The following GOT2 variants were observed in gnomAD, a reference collection of about 807,000 sequenced individuals.
GOT2 encodes aspartate aminotransferase, mitochondrial.
GOT2 carries 17 observed loss-of-function variants against 50.0 expected under a neutral mutation model. The observed-to-expected ratio is 0.34, with a 90% CI of 0.23 to 0.51. The LOEUF is 0.51. Ranked by LOEUF, GOT2 falls within the 20% of genes least tolerant of loss-of-function variation. The pLI, the probability that GOT2 is intolerant of heterozygous loss-of-function variation, is 0.97. For missense variants in GOT2, 430 were observed against 559.6 expected, an observed-to-expected ratio of 0.77 and a Z score of 2.34; for synonymous variants, 172 against 204.9, an observed-to-expected ratio of 0.84 and a Z score of 1.37.
intron 8 of GOT2, among the ~76,000 whole-genome samples, chr16:58,712,237 C>G (rs140503094): frequency 6.6e-6 from 1 of 152,240 alleles, no homozygotes; most frequent in Admixed American, 6.5e-5. Flanking sequence ...TGTGGCCAGG[C>G]GCGGTGGCTC....
chr16:58,708,369 A>G (rs935654397), intron 9 of GOT2, 76 bp from the exon 10 acceptor site: 1 of 1,384,634 alleles, frequency 7.2e-7, no homozygotes, highest in Admixed American at 1.9e-5. Flanking sequence ...CACAGTAGCC[A>G]ACTTACCAAC....
At chr16:58,723,672 A>C in intron 2 of GOT2, 74 bp downstream of exon 2, 1 of 1,239,602 alleles carries the variant, frequency 8.1e-7, no homozygotes, top group Non-Finnish European at 1.2e-6. Context: ...CCGGTCCAGC[A>C]CTATTCCTGC....
rs2044689048 is a variant in GOT2, at chr16:58,716,029, T to TCTGGGGTGTTCAGAA, written c.989_1003dup (p.Pro334_Asp335insValLeuAsnThrPro). On this transcript the variant is annotated inframe_insertion, in exon 8 of 10. Transcript: ENST00000245206. ...AAACCTTTACCATTGTTTTCGCAAA[T>TCTGGGGTGTTCAGAA]CTGGGGTGTTCAGAATGGCAGCAGC... is the stretch of plus-strand genomic sequence containing the variant. 1.2e-6 allele frequency: 2 copies of TCTGGGGTGTTCAGAA among 1,612,550 alleles called. No homozygotes were observed. The highest frequency in any genetic ancestry group is 1.7e-6 in the Non-Finnish European group (2 of 1,179,652).
At chr16:58,725,518 T>A (rs1000998764) in intron 1 of GOT2, among the ~76,000 whole-genome samples, 9 of 152,240 alleles carry the variant, frequency 5.9e-5, no homozygotes, top group Non-Finnish European at 1.0e-4. Flanking sequence ...AAATAATTTC[T>A]AAGATAGACT....
chr16:58,728,435 T>C (rs1362029466), intron 1 of GOT2, among the ~76,000 whole-genome samples: 6 of 152,230 alleles, frequency 3.9e-5, no homozygotes, highest in Admixed American at 3.9e-4. Flanking sequence ...TGTTCGCTAA[T>C]AGTCATCGTT....
intron 8 of GOT2, 64 bp from the exon 9 acceptor site, chr16:58,709,631 C>T: frequency 2.7e-6 from 4 of 1,456,972 alleles, no homozygotes; most frequent in Non-Finnish European, 3.8e-6. Context: ...CTGGAGTTCA[C>T]TGCATTTTTA....
At chr16:58,725,566 T>C (rs182133806) in intron 1 of GOT2, among the ~76,000 whole-genome samples, 50 of 152,374 alleles carry the variant, frequency 3.3e-4, no homozygotes, top group Non-Finnish European at 6.5e-4. Context: ...TTAAAATTTA[T>C]ATACCTTTGT....
intron 1 of GOT2, among the ~76,000 whole-genome samples, chr16:58,726,083 ATAAC>A (rs1317372607): frequency 6.6e-6 from 1 of 152,272 alleles, no homozygotes; most frequent in Admixed American, 6.5e-5. Flanking sequence ...GCATGCTAAC[ATAAC>A]TAACACAGAA....
At chr16:58,730,911 T>C (rs1317088661) in intron 1 of GOT2, among the ~76,000 whole-genome samples, 2 of 152,162 alleles carry the variant, frequency 1.3e-5, no homozygotes, top group East Asian at 1.9e-4. Context: ...GCCTCAAACA[T>C]TGAGCAATAT....
At chr16:58,708,380 G>C (rs944977463) in intron 9 of GOT2, 87 bp from the exon 10 acceptor site, 12 of 1,285,838 alleles carry the variant, frequency 9.3e-6, no homozygotes, top group Admixed American at 2.1e-5. Context: ...ACTTACCAAC[G>C]CTCTATTTCC....
At position 58,716,179 on chromosome 16, in the gene GOT2, C is replaced by A. The variant is rs762223696; in HGVS notation, c.854G>T (p.Gly285Val). ...CATAGTGAAGGCTCCTACACGCTCACCTGAAAGACAAAAATGGATCTCGTC... is the reference window on the plus strand; with the variant it reads ...CATAGTGAAGGCTCCTACACGCTCAACTGAAAGACAAAAATGGATCTCGTC... The part of the protein sequence containing the change: ...QSYAKNMGLY[G>V]ERVGAFTMVC... The change falls in exon 8 of 10, where the codon GGT becomes GTT. Residue 285 changes from glycine (G) to valine (V), a missense_variant and splice_region_variant. By Grantham distance (109) the Gly-to-Val change is moderately radical (BLOSUM62 -3). Coordinates refer to ENST00000245206, the MANE Select transcript of GOT2 (RefSeq NM_002080.4). 1.1e-5 allele frequency: 18 copies of A among 1,611,324 alleles called. No homozygotes were observed. The highest frequency in any genetic ancestry group is 1.4e-5 in the Non-Finnish European group (17 of 1,179,284).
At chr16:58,717,216 A>G (rs1172116864) in intron 6 of GOT2, among the ~76,000 whole-genome samples, 1 of 152,080 alleles carries the variant, frequency 6.6e-6, no homozygotes, top group East Asian at 1.9e-4. Context: ...TCTGTGAAAA[A>G]TAGGAAGAAT....
chr16:58,734,046 T>G, intron 1 of GOT2, 94 bp downstream of exon 1: 2 of 578,778 alleles, frequency 3.5e-6, no homozygotes, highest in Non-Finnish European at 5.2e-6. Context: ...ACAGTGTGTA[T>G]TTGGGGGCCG....
intron 1 of GOT2, chr16:58,733,764 A>T (rs1249572408): frequency 5.4e-6 from 1 of 185,486 alleles, no homozygotes; most frequent in African/African-American, 2.3e-5. Flanking sequence ...CGCCGCCCCC[A>T]GGGCACCCTA....
chr16:58,733,494 C>CA (rs1212260573), intron 1 of GOT2, among the ~76,000 whole-genome samples: 20 of 151,966 alleles, frequency 1.3e-4, no homozygotes, highest in Admixed American at 3.9e-4. Context: ...CAAAACAAAA[C>CA]AAAAAAAGAG....
At chr16:58,721,729 TC>T (rs2044741435) in intron 3 of GOT2, 1 of 152,948 alleles carries the variant, frequency 6.5e-6, no homozygotes, top group African/African-American at 2.4e-5. Flanking sequence ...TAGTGTGGCC[TC>T]CTCAAAACAA....
At chr16:58,717,817 A>T (rs543311356) in intron 6 of GOT2, among the ~76,000 whole-genome samples, 5 of 152,212 alleles carry the variant, frequency 3.3e-5, no homozygotes, top group African/African-American at 1.2e-4. Flanking sequence ...CAGCCTCCCA[A>T]GTAGCTAGGA....
In GOT2 at chr16:58,734,302, G is replaced by A. The variant is rs886961258; in HGVS notation, c.-74C>T. ...GAGCGGACACACACACAGGGAACCG[G>A]CTCCTGCTGAAGGTAAGGACAGGGA... On this transcript the variant is annotated 5_prime_UTR_variant, in exon 1 of 10. Transcript: ENST00000245206. The A allele has an allele frequency of 4.9e-6, 4 of 810,410 alleles. No homozygotes were observed. The highest frequency in any genetic ancestry group is 6.7e-6 in the Non-Finnish European group (4 of 593,798). 50.2% of individuals were successfully genotyped at this position (810,410 alleles called of 1,614,324 possible).
At chr16:58,710,396 CTTTTTTTT>C (rs774270272) in intron 8 of GOT2, among the ~76,000 whole-genome samples, 1 of 138,740 alleles carries the variant, frequency 7.2e-6, no homozygotes, top group Non-Finnish European at 1.6e-5. Flanking sequence ...ATTTTCTTTT[CTTTTTTTT>C]TTTTTTTTGT....
Sources: allele counts gnomAD v4.1 joint callset (sites outside exome capture counted in the v4.1 genomes callset), GRCh38; gene constraint gnomAD v4.1.1; transcripts MANE v1.5; gene names NCBI Gene and HGNC (gene_info 2026-07-23, HGNC 2026-07-21).